Variants in RESF1 observed in about 807,000 individuals in gnomAD.
The protein encoded by RESF1 is retroelement silencing factor 1.
In RESF1, 65 loss-of-function variants were observed where a neutral mutation model predicts 134.7. The ratio of observed to expected loss-of-function variants is 0.48; its 90% CI spans 0.40 to 0.59. RESF1 has a LOEUF of 0.59. RESF1 is among the 20% of genes least tolerant of loss of function. The pLI is 0.00. For missense variants in RESF1, 2,274 were observed against 2,002.7 expected (o/e 1.14, Z -2.59); for synonymous variants, 762 against 702.2 (o/e 1.09, Z -1.35).
intron 5 of RESF1, among the ~76,000 whole-genome samples, chr12:31,989,050 A>G (rs1940037801): frequency 6.6e-6 from 1 of 151,872 alleles, no homozygotes; most frequent in South Asian, 2.1e-4. Context: ...TTTGGCTTTG[A>G]AAACTAAAAG....
intron 2 of RESF1, among the ~76,000 whole-genome samples, chr12:31,969,039 C>G (rs998074163): frequency 6.6e-6 from 1 of 152,326 alleles, no homozygotes; most frequent in South Asian, 2.1e-4. Context: ...TTCCCATGCT[C>G]AAGTGATCCT....
At position 31,992,608 on chromosome 12, in the gene RESF1, T is replaced by A; in HGVS notation, c.*73T>A. 7.4e-7 allele frequency: 1 copy of A among 1,352,388 alleles called. No homozygotes were observed. The highest frequency in any genetic ancestry group is 1.0e-6 in the Non-Finnish European group (1 of 956,260). The allele number at this position is 1,352,388 out of a possible 1,614,324, so 83.8% of individuals were successfully genotyped here. A position where few individuals can be genotyped will look rare whatever the true frequency, so the allele number is the denominator to read the frequency against. On this transcript the variant is annotated 3_prime_UTR_variant, in exon 6 of 6. Transcript: ENST00000312561. ...TCTGTTCAAAATATTTCGCTGAAACTAATGAGAAATGCCATGATAAAGATT... is the reference window on the plus strand; with the variant it reads ...TCTGTTCAAAATATTTCGCTGAAACAAATGAGAAATGCCATGATAAAGATT...
intron 3 of RESF1, among the ~76,000 whole-genome samples, chr12:31,977,655 G>A (rs10506076): frequency 0.17 from 25,270 of 152,000 alleles, 2,559 homozygotes; most frequent in African/African-American, 0.28. Flanking sequence ...CATAAAACAA[G>A]TGTCTATATA....
rs754530707 is a variant in RESF1 at position 31,981,414 on chromosome 12, G to C, written c.459G>C (p.Gln153His). The change falls in exon 4 of 6, where the codon CAG (glutamine) becomes CAC (histidine). Residue 153 changes from glutamine (Q) to histidine (H), a missense_variant. Coordinates refer to ENST00000312561, the MANE Select transcript of RESF1 (RefSeq NM_018169.4). ...ACGTACCCAATATGCCGGCACTACA[G>C]AGTCAACTGATAACATCAGATACCT... is the stretch of plus-strand genomic sequence containing the variant. ...GANVPNMPALQSQLITSDTYS... is the reference protein window; with the variant it reads ...GANVPNMPALHSQLITSDTYS... 3.5e-5 allele frequency: 56 copies of C among 1,613,968 alleles called. No homozygotes were observed. The East Asian group carries it at 6.2e-4, about 18-fold the overall frequency.
At chr12:31,971,435 C>T (rs1939505569) in intron 3 of RESF1, among the ~76,000 whole-genome samples, 1 of 152,192 alleles carries the variant, frequency 6.6e-6, no homozygotes, top group African/African-American at 2.4e-5. Flanking sequence ...AGCCACTGTG[C>T]CTGGCCTGCA....
At chr12:31,986,760 CTT>C (rs200585749) in intron 4 of RESF1, among the ~76,000 whole-genome samples, 1,586 of 152,314 alleles carry the variant, frequency 0.01, 34 homozygotes, top group African/African-American at 0.036. Flanking sequence ...AAATTGAAGT[CTT>C]TGCTCTGCTT....
At position 31,983,173 on chromosome 12, in the gene RESF1, A is replaced by G. The variant is rs1356599216; in HGVS notation, c.2218A>G (p.Met740Val). ...SNPSQQTALS[M>V]VMHNYESSGI... is the part of the protein sequence containing the mutation. ...TCCCTCACAGCAGACAGCTTTGTCG[A>G]TGGTAATGCACAATTATGAGTCTTC... The change falls in exon 4 of 6, where the codon ATG becomes GTG. Residue 740 changes from methionine (M) to valine (V), a missense_variant. Transcript: ENST00000312561. 6.2e-7 allele frequency: 1 copy of G among 1,611,548 alleles called. No homozygotes were observed. Among genetic ancestry groups the G allele is most frequent in the Non-Finnish European group, 8.5e-7 (1 of 1,179,104 alleles).
chr12:31,969,760 G>A (rs936807507), intron 2 of RESF1, among the ~76,000 whole-genome samples: 6 of 152,150 alleles, frequency 3.9e-5, no homozygotes, highest in Admixed American at 2.0e-4. Context: ...AGCCCCCCAA[G>A]TAGCTGAGAA....
In RESF1 at chr12:31,980,927, T is replaced by C; in HGVS notation, c.-29T>C. Reference sequence around the variant, plus strand: ...TTGTAACTGACTTATAACTGACTTGTAATACACTGCTACTATATCAAACCG... The same window carrying C: ...TTGTAACTGACTTATAACTGACTTGCAATACACTGCTACTATATCAAACCG... On this transcript the variant is annotated 5_prime_UTR_variant, in exon 4 of 6. Transcript: ENST00000312561. The C allele has an allele frequency of 6.6e-7, 1 of 1,514,818 alleles. No homozygotes were observed. The highest frequency in any genetic ancestry group is 9.0e-7 in the Non-Finnish European group (1 of 1,116,374). The allele number at this position is 1,514,818 out of a possible 1,614,324, so 93.8% of individuals were successfully genotyped here.
Position 31,980,914 on chromosome 12 carries a change from T to TA in RESF1, c.-41dup. On this transcript the variant is annotated 5_prime_UTR_variant, in exon 4 of 6. Transcript: ENST00000312561. ...TCAGACAACTGACTTGTAACTGACT[T>TA]ATAACTGACTTGTAATACACTGCTA... is the stretch of plus-strand genomic sequence containing the variant. The TA allele has an allele frequency of 7.0e-7, 1 of 1,424,456 alleles. No individual in the cohort carries two copies. Among genetic ancestry groups the TA allele is most frequent in the Non-Finnish European group, 9.6e-7 (1 of 1,046,118 alleles). The allele number at this position is 1,424,456 out of a possible 1,614,324, so 88.2% of individuals were successfully genotyped here.
At position 31,982,722 on chromosome 12, in the gene RESF1, A is replaced by G; in HGVS notation, c.1767A>G (p.Ser589=). 1 of 1,613,884 alleles carries G rather than the reference A, an allele frequency of 6.2e-7. No individual in the cohort carries two copies. Among genetic ancestry groups the G allele is most frequent in the Non-Finnish European group, 8.5e-7 (1 of 1,179,786 alleles). Residue 589 remains serine, a synonymous_variant, in exon 4 of 6, where the codon TCA becomes TCG. Coordinates refer to ENST00000312561, the MANE Select transcript of RESF1 (RefSeq NM_018169.4). ...ATATGCTACTTCTCGCTTTGCTTTC[A>G]CAGGCACGTAAGACTCAGAAGACAG... ...NENMLLLALL[S]QARKTQKTVL...
At chr12:31,964,580 A>G (rs1273739279) in intron 2 of RESF1, among the ~76,000 whole-genome samples, 1 of 152,190 alleles carries the variant, frequency 6.6e-6, no homozygotes. Context: ...GTGAATAGAC[A>G]TGCACAATTT....
chr12:31,961,954 G>A (rs145619645), intron 2 of RESF1, among the ~76,000 whole-genome samples: 1 of 152,310 alleles, frequency 6.6e-6, no homozygotes, highest in Admixed American at 6.5e-5. Flanking sequence ...CAGGTGTGGT[G>A]GCTCACGCCT....
At chr12:31,974,493 C>T (rs1939586569) in intron 3 of RESF1, among the ~76,000 whole-genome samples, 1 of 152,124 alleles carries the variant, frequency 6.6e-6, no homozygotes, top group Non-Finnish European at 1.5e-5. Context: ...CAGTGGCTTG[C>T]AGGTGACTGT....
At chr12:31,974,967 A>G (rs1939598070) in intron 3 of RESF1, among the ~76,000 whole-genome samples, 1 of 150,718 alleles carries the variant, frequency 6.6e-6, no homozygotes, top group Non-Finnish European at 1.5e-5. Flanking sequence ...ATTTTCTAGA[A>G]GAGTTTTAGG....
intron 3 of RESF1, among the ~76,000 whole-genome samples, chr12:31,973,730 C>G (rs1206685124): frequency 6.6e-6 from 1 of 151,902 alleles, no homozygotes; most frequent in Admixed American, 6.6e-5. Context: ...TACCCATATG[C>G]TCTGTATTAA....
At chr12:31,967,808 T>C (rs1413641775) in intron 2 of RESF1, among the ~76,000 whole-genome samples, 1 of 152,156 alleles carries the variant, frequency 6.6e-6, no homozygotes, top group Non-Finnish European at 1.5e-5. Flanking sequence ...AAGATCAAAA[T>C]TCAAAGTACA....
rs1202857432 is a variant in RESF1, at chr12:31,981,497, A to C, written c.542A>C (p.Gln181Pro). ...TCTACACGACTTCCTGTAGCTTACC[A>C]AGGAAATCAGGGACTTAACCAGTCT... is the stretch of plus-strand genomic sequence containing the variant. ...SNSTRLPVAY[Q>P]GNQGLNQSFS... The change falls in exon 4 of 6, where the codon CAA (glutamine) becomes CCA (proline). Residue 181 changes from glutamine (Q) to proline (P), a missense_variant. Transcript: ENST00000312561. The C allele has an allele frequency of 2.5e-6, 4 of 1,613,966 alleles. No individual in the cohort carries two copies. The highest frequency in any genetic ancestry group is 1.7e-5 in the Admixed American group (1 of 60,000).
chr12:31,962,228 A>T (rs1045077675), intron 2 of RESF1, among the ~76,000 whole-genome samples: 3 of 151,908 alleles, frequency 2.0e-5, no homozygotes, highest in Non-Finnish European at 4.4e-5. Context: ...TTTAAAAAAA[A>T]AAAAAAAAAA....
Sources: allele counts gnomAD v4.1 joint callset (sites outside exome capture counted in the v4.1 genomes callset), GRCh38; gene constraint gnomAD v4.1.1; transcripts MANE v1.5; gene names NCBI Gene and HGNC (gene_info 2026-07-23, HGNC 2026-07-21).